Variants in UBE3D observed in about 807,000 individuals in gnomAD.
UBE3D encodes the protein ubiquitin protein ligase E3D.
In UBE3D, 48 loss-of-function variants were observed where a neutral mutation model predicts 49.6. The ratio of observed to expected loss-of-function variants is 0.97; its 90% CI spans 0.77 to 1.23. UBE3D has a LOEUF of 1.23. Ranked by LOEUF, UBE3D falls within the 50% of genes most tolerant of loss-of-function variation. The pLI is 0.00. For synonymous variants in UBE3D, 189 were observed against 174.2 expected, an observed-to-expected ratio of 1.08 and a Z score of -0.67; for missense variants, 452 against 468.4, an observed-to-expected ratio of 0.96 and a Z score of 0.32.
intron 8 of UBE3D, among the ~76,000 whole-genome samples, chr6:82,958,708 C>A (rs1279590065): frequency 6.6e-6 from 1 of 152,176 alleles, no homozygotes; most frequent in East Asian, 1.9e-4. Flanking sequence ...CCTCCAACCC[C>A]CTTTTAGCTC....
At chr6:82,955,134 T>A (rs1171594640) in intron 9 of UBE3D, among the ~76,000 whole-genome samples, 1 of 151,940 alleles carries the variant, frequency 6.6e-6, no homozygotes, top group South Asian at 2.1e-4. Flanking sequence ...CCAGGCTTCA[T>A]GCACCTGTGT....
At chr6:82,897,203 G>T (rs892049437) in intron 9 of UBE3D, among the ~76,000 whole-genome samples, 8 of 151,804 alleles carry the variant, frequency 5.3e-5, no homozygotes, top group African/African-American at 1.9e-4. Flanking sequence ...ATGTATTTTT[G>T]TCCAGTGCAT....
At chr6:83,053,588 C>A (rs937348734) in intron 3 of UBE3D, among the ~76,000 whole-genome samples, 9 of 152,040 alleles carry the variant, frequency 5.9e-5, no homozygotes, top group African/African-American at 2.2e-4. Context: ...AACGAAAAAA[C>A]CAACAAAGAG....
intron 8 of UBE3D, among the ~76,000 whole-genome samples, chr6:82,999,350 A>T (rs934030403): frequency 6.6e-6 from 1 of 151,956 alleles, no homozygotes; most frequent in Admixed American, 6.6e-5. Flanking sequence ...CTTCTTTCTC[A>T]TGTGTAATCA....
intron 4 of UBE3D, among the ~76,000 whole-genome samples, chr6:83,042,688 G>C (rs1198788358): frequency 1.3e-5 from 2 of 152,154 alleles, no homozygotes; most frequent in Admixed American, 6.5e-5. Context: ...TTTTCCCTTT[G>C]TGTCGTTTCA....
chr6:83,052,657 G>A (rs1300993651), intron 3 of UBE3D, among the ~76,000 whole-genome samples: 3 of 152,122 alleles, frequency 2.0e-5, no homozygotes, highest in Non-Finnish European at 4.4e-5. Context: ...GTTTTTTTGG[G>A]GGAGGAGGAA....
chr6:82,965,868 G>A (rs1390683930), intron 8 of UBE3D, among the ~76,000 whole-genome samples: 3 of 152,030 alleles, frequency 2.0e-5, no homozygotes, highest in Non-Finnish European at 4.4e-5. Context: ...ATCTCCACAC[G>A]CCCCCAACCC....
At chr6:83,039,682 T>C (rs1314620519) in intron 4 of UBE3D, among the ~76,000 whole-genome samples, 1 of 152,156 alleles carries the variant, frequency 6.6e-6, no homozygotes, top group Non-Finnish European at 1.5e-5. Flanking sequence ...TCTTGCTCCA[T>C]TGCCCAGGCT....
chr6:82,957,061 G>A (rs551008480), intron 9 of UBE3D, among the ~76,000 whole-genome samples: 225 of 152,132 alleles, frequency 1.5e-3, no homozygotes, highest in African/African-American at 4.7e-3. Flanking sequence ...CCTGGGAGGC[G>A]GAGGCTGCTG....
At chr6:82,886,729 T>C in the UBE3D span, among the ~76,000 whole-genome samples, 1 of 152,202 alleles carries the variant, frequency 6.6e-6, no homozygotes, top group East Asian at 1.9e-4. Flanking sequence ...TCATTAGAAA[T>C]TAAAAAAAGT....
the UBE3D span, among the ~76,000 whole-genome samples, chr6:82,880,860 G>C: frequency 6.6e-6 from 1 of 152,170 alleles, no homozygotes; most frequent in African/African-American, 2.4e-5. Context: ...CAAGAGCAGG[G>C]TGGCATCGTT....
At chr6:82,922,112 A>G (rs1247851738) in intron 9 of UBE3D, among the ~76,000 whole-genome samples, 1 of 131,624 alleles carries the variant, frequency 7.6e-6, no homozygotes, top group African/African-American at 2.7e-5. Context: ...TAGCAGACAT[A>G]AAAGGCATAT....
chr6:83,001,751 G>A (rs1779651400), intron 8 of UBE3D, among the ~76,000 whole-genome samples: 1 of 152,096 alleles, frequency 6.6e-6, no homozygotes, highest in South Asian at 2.1e-4. Context: ...TAGCAGCTCT[G>A]GAAGAGTGTC....
At chr6:83,045,011 CTAAT>C (rs754593872) in intron 3 of UBE3D, among the ~76,000 whole-genome samples, 2 of 152,106 alleles carry the variant, frequency 1.3e-5, no homozygotes, top group Non-Finnish European at 2.9e-5. Context: ...TAGATGAATC[CTAAT>C]TAGTCCACAA....
intron 8 of UBE3D, among the ~76,000 whole-genome samples, chr6:83,005,351 G>C (rs1437419336): frequency 6.6e-6 from 1 of 151,974 alleles, no homozygotes; most frequent in East Asian, 1.9e-4. Context: ...CAAGGATGTG[G>C]AGAAACTGGA....
At chr6:83,048,061 A>G (rs958593477) in intron 3 of UBE3D, among the ~76,000 whole-genome samples, 23 of 145,494 alleles carry the variant, frequency 1.6e-4, no homozygotes, top group South Asian at 1.4e-3. Context: ...CAGCCTGGGC[A>G]ACAGGGAGAC....
intron 7 of UBE3D, among the ~76,000 whole-genome samples, chr6:83,021,403 T>C (rs1037549661): frequency 2.6e-5 from 4 of 151,736 alleles, no homozygotes; most frequent in Non-Finnish European, 5.9e-5. Flanking sequence ...AATCATGCCA[T>C]TGCACTCCAG....
intron 1 of UBE3D, among the ~76,000 whole-genome samples, chr6:83,062,593 T>C (rs752439517): frequency 2.0e-4 from 31 of 152,256 alleles, no homozygotes; most frequent in Admixed American, 4.6e-4. Flanking sequence ...CTATAAAATA[T>C]ACTAAACATT....
intron 9 of UBE3D, among the ~76,000 whole-genome samples, chr6:82,929,255 T>C (rs1308612399): frequency 3.3e-5 from 5 of 151,506 alleles, no homozygotes; most frequent in East Asian, 3.9e-4. Context: ...TCACATCTGA[T>C]GGAGATCAAC....
Sources: gnomAD v4.1 joint callset for allele counts (sites outside exome capture counted in the v4.1 genomes callset) on GRCh38, gnomAD v4.1.1 for gene constraint, MANE v1.5 for transcripts, NCBI Gene and HGNC (gene_info 2026-07-23, HGNC 2026-07-21) for gene names.